Variants in CADM2 observed in about 807,000 individuals in gnomAD.
CADM2 encodes the protein immunoglobulin superfamily member 4D.
A neutral mutation model predicts 49.8 loss-of-function variants in CADM2; 12 were observed. The observed-to-expected ratio is 0.24, with a 90% CI of 0.15 to 0.39. The LOEUF is 0.39. Among genes scored for constraint, CADM2 ranks in the 10% least tolerant of loss-of-function variants. The probability of loss-of-function intolerance (pLI) is 1.00; values close to 1 mark genes in which losing one functional copy is unlikely to be tolerated. For synonymous variants in CADM2, 214 were observed against 175.4 expected (o/e 1.22, Z -1.74); for missense variants, 378 against 492.3 (o/e 0.77, Z 2.20).
chr3:85,681,520 T>C (rs2066038550), intron 1 of CADM2, among the ~76,000 whole-genome samples: 1 of 152,190 alleles, frequency 6.6e-6, no homozygotes, highest in East Asian at 1.9e-4. Flanking sequence ...ATGATAATCA[T>C]TTAAGTCATA....
At chr3:85,363,610 A>C (rs2032518604) in intron 1 of CADM2, among the ~76,000 whole-genome samples, 1 of 151,970 alleles carries the variant, frequency 6.6e-6, no homozygotes, top group East Asian at 1.9e-4. Context: ...TCTTTATTTT[A>C]TTTTATTTAT....
At position 85,564,709 on chromosome 3, in the gene CADM2, T is replaced by G. The variant is rs549853242; in HGVS notation, c.62-161813T>G. Among the ~76,000 whole-genome samples the G allele has an allele frequency of 4.6e-3, 706 of 152,190 alleles. 5 individuals are homozygous for G. Among genetic ancestry groups the G allele is most frequent in the Non-Finnish European group, 7.3e-3 (498 of 67,948 alleles). On this transcript the variant is annotated intron_variant, in intron 1 of 9. Transcript: ENST00000383699. ...AACCAGAAGATATGTTAATGATTTT[T>G]TTAATTCTATAATTAAATACTTAAA...
intron 1 of CADM2, among the ~76,000 whole-genome samples, chr3:85,012,348 G>T (rs1459443338): frequency 6.8e-6 from 1 of 148,124 alleles, no homozygotes; most frequent in South Asian, 2.1e-4. Flanking sequence ...CACTTAAAAT[G>T]CTGTGTAAAT....
intron 8 of CADM2, among the ~76,000 whole-genome samples, chr3:86,002,706 C>T (rs907293829): frequency 9.9e-5 from 15 of 152,102 alleles, no homozygotes; most frequent in Non-Finnish European, 1.9e-4. Flanking sequence ...CTCTTTGGAA[C>T]AGAAAGTTTT....
chr3:85,787,318 GA>G (rs2071052287), intron 2 of CADM2, among the ~76,000 whole-genome samples: 1 of 152,140 alleles, frequency 6.6e-6, no homozygotes, highest in East Asian at 1.9e-4. Flanking sequence ...TTAAAATCAC[GA>G]AATTGTTACC....
intron 1 of CADM2, among the ~76,000 whole-genome samples, chr3:85,274,747 C>G (rs972802528): frequency 6.6e-6 from 1 of 151,470 alleles, no homozygotes; most frequent in African/African-American, 2.4e-5. Context: ...ACCTTCTTGT[C>G]TTCGTGGAGT....
chr3:85,984,618 T>G (rs1336555562), intron 8 of CADM2, among the ~76,000 whole-genome samples: 1 of 151,884 alleles, frequency 6.6e-6, no homozygotes, highest in Non-Finnish European at 1.5e-5. Flanking sequence ...ATGCACTAAA[T>G]GTAGAGATGA....
chr3:85,250,509 T>A (rs1341719522), intron 1 of CADM2, among the ~76,000 whole-genome samples: 1 of 151,522 alleles, frequency 6.6e-6, no homozygotes, highest in Non-Finnish European at 1.5e-5. Context: ...GATAATATTA[T>A]TAGACAATAC....
At chr3:85,793,616 A>C (rs989580173) in intron 2 of CADM2, among the ~76,000 whole-genome samples, 2 of 152,160 alleles carry the variant, frequency 1.3e-5, no homozygotes, top group African/African-American at 2.4e-5. Context: ...AACCTATGTC[A>C]CTGAGCATGA....
intron 5 of CADM2, among the ~76,000 whole-genome samples, chr3:85,904,834 C>T (rs990345816): frequency 6.6e-6 from 1 of 152,116 alleles, no homozygotes; most frequent in African/African-American, 2.4e-5. Context: ...CCTTTTGTCT[C>T]TCACTTCCTG....
At chr3:85,056,809 T>C (rs930625177) in intron 1 of CADM2, among the ~76,000 whole-genome samples, 1 of 152,094 alleles carries the variant, frequency 6.6e-6, no homozygotes, top group Non-Finnish European at 1.5e-5. Context: ...GAGGACATTA[T>C]ACTTAGACAG....
chr3:85,883,267 A>AT, intron 3 of CADM2, 24 bp from the exon 4 acceptor site: 4 of 1,590,324 alleles, frequency 2.5e-6, no homozygotes, highest in Non-Finnish European at 3.4e-6. Flanking sequence ...CCTTATTTAC[A>AT]TTTTCAATAT....
At chr3:85,673,476 G>A (rs2065804273) in intron 1 of CADM2, among the ~76,000 whole-genome samples, 1 of 147,532 alleles carries the variant, frequency 6.8e-6, no homozygotes, top group African/African-American at 2.5e-5. Context: ...CTAGATTACT[G>A]GGAAGAGAGT....
intron 1 of CADM2, among the ~76,000 whole-genome samples, chr3:85,369,807 C>T (rs546037136): frequency 1.3e-5 from 2 of 152,264 alleles, no homozygotes; most frequent in African/African-American, 4.8e-5. Flanking sequence ...GTTCAACCAA[C>T]TGCTCAAGTG....
In CADM2 at chr3:85,152,672, G is replaced by A. The variant is rs536515953; in HGVS notation, c.61+193004G>A. Reference sequence around the variant, plus strand: ...CTTTCTAAAGTGTTTATATTAAAATGTAAGGCTGGGCACGGTGGCTCACGC... The same window carrying A: ...CTTTCTAAAGTGTTTATATTAAAATATAAGGCTGGGCACGGTGGCTCACGC... On this transcript the variant is annotated intron_variant, in intron 1 of 9. Transcript: ENST00000383699. 1.4e-3 allele frequency among the ~76,000 whole-genome samples: 208 copies of A among 152,136 alleles called. 1 individual carries two copies. Among genetic ancestry groups the A allele is most frequent in the Admixed American group, 4.1e-3 (62 of 15,276 alleles).
At chr3:85,183,475 G>A (rs1007370774) in intron 1 of CADM2, among the ~76,000 whole-genome samples, 1 of 152,068 alleles carries the variant, frequency 6.6e-6, no homozygotes, top group Non-Finnish European at 1.5e-5. Flanking sequence ...AATGTATTAT[G>A]TAGCTGAGTG....
intron 1 of CADM2, among the ~76,000 whole-genome samples, chr3:85,336,016 A>C (rs1442785453): frequency 6.6e-6 from 1 of 151,558 alleles, no homozygotes; most frequent in African/African-American, 2.4e-5. Context: ...AGAAACCGTG[A>C]ACATATTGGT....
chr3:85,370,876 C>G (rs2033177743), intron 1 of CADM2, among the ~76,000 whole-genome samples: 1 of 151,956 alleles, frequency 6.6e-6, no homozygotes, highest in Admixed American at 6.6e-5. Context: ...TGATGTCGAC[C>G]CTGCAGAGAA....
chr3:85,545,271 T>TA (rs983358927), intron 1 of CADM2, among the ~76,000 whole-genome samples: 14 of 152,152 alleles, frequency 9.2e-5, no homozygotes, highest in African/African-American at 2.9e-4. Flanking sequence ...GGTGGAAGTG[T>TA]AAAAAAACAA....
Sources: allele counts gnomAD v4.1 joint callset (sites outside exome capture counted in the v4.1 genomes callset), GRCh38; gene constraint gnomAD v4.1.1; transcripts MANE v1.5; gene names NCBI Gene and HGNC (gene_info 2026-07-23, HGNC 2026-07-21).